Variants in RHPN2 observed in about 807,000 individuals in gnomAD.
RHPN2 encodes the protein rhophilin-2.
Under a neutral mutation model 79.0 loss-of-function variants are expected in RHPN2, and 40 were observed. That is an observed-to-expected ratio of 0.51 (90% CI 0.39 to 0.66). The LOEUF (loss-of-function observed/expected upper bound fraction) is 0.66, where lower values mean the gene tolerates loss of function less well. Ranked by LOEUF, RHPN2 falls within the 30% of genes least tolerant of loss-of-function variation. The pLI is 0.00. For synonymous variants in RHPN2, 285 were observed against 363.5 expected, an observed-to-expected ratio of 0.78 and a Z score of 2.46; for missense variants, 686 against 883.5, an observed-to-expected ratio of 0.78 and a Z score of 2.83.
chr19:33,022,940 A>C (rs938006464), intron 3 of RHPN2, among the ~76,000 whole-genome samples: 2 of 152,142 alleles, frequency 1.3e-5, no homozygotes, highest in Non-Finnish European at 2.9e-5. Flanking sequence ...CTGTCCAGGC[A>C]ATGAGAAGAG....
At chr19:33,061,297 T>C (rs1972278162) in intron 1 of RHPN2, among the ~76,000 whole-genome samples, 1 of 147,746 alleles carries the variant, frequency 6.8e-6, no homozygotes, top group Non-Finnish European at 1.5e-5. Context: ...CTCGGCTCAC[T>C]GCAAGCTCCG....
chr19:32,983,837 G>C (rs1225309116), intron 14 of RHPN2, among the ~76,000 whole-genome samples: 2 of 151,928 alleles, frequency 1.3e-5, no homozygotes, highest in Admixed American at 6.6e-5. Context: ...ATGTTGGCCA[G>C]GTTGGTCTTG....
At chr19:33,033,489 C>G (rs142354503) in intron 2 of RHPN2, among the ~76,000 whole-genome samples, 132 of 152,270 alleles carry the variant, frequency 8.7e-4, no homozygotes, top group Middle Eastern at 3.4e-3. Flanking sequence ...TCACTTGAAC[C>G]TGGGAAGCGA....
chr19:32,988,212 CAAAAAAAAA>C (rs758073522), intron 14 of RHPN2, among the ~76,000 whole-genome samples: 2 of 138,698 alleles, frequency 1.4e-5, no homozygotes, highest in Admixed American at 1.4e-4. Flanking sequence ...ACAACAACAA[CAAAAAAAAA>C]AACAAAACAA....
At position 33,003,032 on chromosome 19, in the gene RHPN2, C is replaced by T. The variant is rs189149433; in HGVS notation, c.761-32G>A. Reference sequence around the variant, plus strand: ...GTGGAAAATGTTTTGCCCATTAGTTCGGGTTCATATTTACTTCATCACGTT... The same window carrying T: ...GTGGAAAATGTTTTGCCCATTAGTTTGGGTTCATATTTACTTCATCACGTT... On this transcript the variant is annotated intron_variant, in intron 7 of 14. Coordinates refer to ENST00000254260, the MANE Select transcript of RHPN2 (RefSeq NM_033103.5). 7.6e-5 allele frequency: 122 copies of T among 1,600,446 alleles called. 1 individual carries two copies. In the East Asian group the frequency reaches 2.0e-3, roughly 26 times the overall value.
intron 7 of RHPN2, among the ~76,000 whole-genome samples, chr19:33,004,668 C>A (rs1204806364): frequency 6.6e-6 from 1 of 151,264 alleles, no homozygotes; most frequent in Non-Finnish European, 1.5e-5. Context: ...TTCACTGCAA[C>A]CTCTGCCTCC....
At position 33,000,680 on chromosome 19, in the gene RHPN2, G is replaced by A. The variant is rs1003358616; in HGVS notation, c.1106-975C>T. 5.9e-5 allele frequency among the ~76,000 whole-genome samples: 9 copies of A among 152,114 alleles called. No individual in the cohort carries two copies. The South Asian group carries it at 1.5e-3, about 25-fold the overall frequency. On this transcript the variant is annotated intron_variant, in intron 9 of 14. Coordinates refer to ENST00000254260, the MANE Select transcript of RHPN2 (RefSeq NM_033103.5). ...CTGCTTCAACCACACCCTTCGTGGC[G>A]CGCATCCTGCTCTCAAACCTCACAA... is the stretch of plus-strand genomic sequence containing the variant.
chr19:33,064,755 T>TTGGGC, intron 1 of RHPN2, 29 bp downstream of exon 1: 1 of 1,427,948 alleles, frequency 7.0e-7, no homozygotes, highest in Non-Finnish European at 9.4e-7. Flanking sequence ...AGCCCGCAGG[T>TTGGGC]CCCCGCCCGC....
intron 6 of RHPN2, 89 bp from the exon 7 acceptor site, chr19:33,008,269 A>T (rs1481844306): frequency 2.6e-6 from 3 of 1,153,310 alleles, no homozygotes; most frequent in African/African-American, 3.1e-5. Context: ...TTTTTTTTTA[A>T]GAGTCAATAT....
chr19:33,062,849 T>C (rs1302781710), intron 1 of RHPN2, among the ~76,000 whole-genome samples: 1 of 151,952 alleles, frequency 6.6e-6, no homozygotes, highest in Non-Finnish European at 1.5e-5. Flanking sequence ...CCTAGCTCTC[T>C]TGCCATCCAC....
intron 1 of RHPN2, among the ~76,000 whole-genome samples, chr19:33,047,159 C>A (rs570941002): frequency 5.6e-4 from 85 of 152,294 alleles, no homozygotes; most frequent in African/African-American, 2.0e-3. Context: ...CCACACCCAG[C>A]TCTCCTTTGC....
intron 1 of RHPN2, among the ~76,000 whole-genome samples, chr19:33,048,785 A>G (rs190697587): frequency 1.4e-5 from 2 of 147,846 alleles, no homozygotes; most frequent in African/African-American, 5.3e-5. Flanking sequence ...TTAAATAACT[A>G]AAATAACTGT....
At chr19:33,032,523 C>A (rs540680808) in intron 2 of RHPN2, among the ~76,000 whole-genome samples, 1 of 152,234 alleles carries the variant, frequency 6.6e-6, no homozygotes, top group African/African-American at 2.4e-5. Context: ...CATTAGCATA[C>A]AAAAGATACT....
chr19:33,063,773 G>A (rs914068558), intron 1 of RHPN2, among the ~76,000 whole-genome samples: 8 of 72,596 alleles, frequency 1.1e-4, no homozygotes, highest in Non-Finnish European at 1.6e-4. Flanking sequence ...AAGAGCTCCT[G>A]GACATGCCAA....
chr19:33,045,362 T>A (rs999727167), intron 1 of RHPN2, among the ~76,000 whole-genome samples: 3 of 152,148 alleles, frequency 2.0e-5, no homozygotes, highest in Non-Finnish European at 4.4e-5. Flanking sequence ...CTACTTTTTT[T>A]ATTTAGTAAC....
intron 7 of RHPN2, among the ~76,000 whole-genome samples, chr19:33,006,989 C>G (rs751319695): frequency 1.1e-4 from 16 of 152,184 alleles, no homozygotes; most frequent in Non-Finnish European, 1.9e-4. Context: ...TCGTAGTGAG[C>G]AGAGATTGTG....
At chr19:33,060,450 T>C (rs192895091) in intron 1 of RHPN2, among the ~76,000 whole-genome samples, 1 of 152,318 alleles carries the variant, frequency 6.6e-6, no homozygotes, top group African/African-American at 2.4e-5. Context: ...GCCTTCTGTG[T>C]GGACCCCTGG....
intron 1 of RHPN2, among the ~76,000 whole-genome samples, chr19:33,062,184 A>G (rs1227109815): frequency 6.6e-6 from 1 of 152,052 alleles, no homozygotes; most frequent in East Asian, 1.9e-4. Context: ...CTCATCCAAC[A>G]CCAGAGAAAC....
chr19:32,982,914 G>A (rs1184260788), intron 14 of RHPN2, among the ~76,000 whole-genome samples: 2 of 151,420 alleles, frequency 1.3e-5, no homozygotes, highest in South Asian at 4.2e-4. Flanking sequence ...TCTTATCTTC[G>A]CTCTCCTCCT....
Sources: allele counts gnomAD v4.1 joint callset (sites outside exome capture counted in the v4.1 genomes callset), GRCh38; gene constraint gnomAD v4.1.1; transcripts MANE v1.5; gene names NCBI Gene and HGNC (gene_info 2026-07-23, HGNC 2026-07-21).